The following AUH variants were observed in gnomAD, a reference collection of about 807,000 sequenced individuals.
AUH encodes AU RNA binding methylglutaconyl-CoA hydratase, also known as methylglutaconyl-CoA hydratase, mitochondrial.
A neutral mutation model predicts 42.3 loss-of-function variants in AUH; 29 were observed. The ratio of observed to expected loss-of-function variants is 0.69; its 90% CI spans 0.51 to 0.93. The LOEUF (loss-of-function observed/expected upper bound fraction) is 0.93. Among genes scored for constraint, AUH ranks in the 40% least tolerant of loss-of-function variants. The probability of loss-of-function intolerance (pLI) is 0.00; values close to 1 mark genes in which losing one functional copy is unlikely to be tolerated. For synonymous variants in AUH, 174 were observed against 166.4 expected, an observed-to-expected ratio of 1.05 and a Z score of -0.35; for missense variants, 452 against 438.1, an observed-to-expected ratio of 1.03 and a Z score of -0.28.
intron 6 of AUH, among the ~76,000 whole-genome samples, chr9:91,287,987 G>T (rs1402626360): frequency 2.0e-5 from 3 of 151,834 alleles, no homozygotes; most frequent in African/African-American, 7.3e-5. Context: ...TCTTTGTAAA[G>T]GGTATAAAAA....
chr9:91,350,636 G>A (rs939432973), intron 3 of AUH, among the ~76,000 whole-genome samples: 2 of 152,030 alleles, frequency 1.3e-5, no homozygotes, highest in Non-Finnish European at 2.9e-5. Flanking sequence ...GCAGGTGCCT[G>A]TAATCCCAGC....
intron 6 of AUH, among the ~76,000 whole-genome samples, chr9:91,269,392 T>G (rs1315752951): frequency 1.3e-5 from 2 of 152,218 alleles, no homozygotes; most frequent in African/African-American, 4.8e-5. Flanking sequence ...AGTGAAAATA[T>G]GATAGAGACA....
chr9:91,228,304 T>G (rs1431599014), intron 6 of AUH, among the ~76,000 whole-genome samples: 1 of 152,216 alleles, frequency 6.6e-6, no homozygotes, highest in African/African-American at 2.4e-5. Flanking sequence ...GTCAAGGAAT[T>G]TATCCATTTC....
chr9:91,287,173 C>T (rs1032662172), intron 6 of AUH, among the ~76,000 whole-genome samples: 22 of 152,064 alleles, frequency 1.4e-4, no homozygotes, highest in Admixed American at 1.3e-4. Flanking sequence ...GGACATCATG[C>T]AACCCCAATA....
At chr9:91,345,009 GA>G (rs140331417) in intron 3 of AUH, among the ~76,000 whole-genome samples, 33,308 of 143,612 alleles carry the variant, frequency 0.23, 3,817 homozygotes, top group East Asian at 0.35. Flanking sequence ...ACATGTTCAT[GA>G]AAAAAAAAAA....
At chr9:91,317,300 T>A (rs1198972711) in intron 4 of AUH, among the ~76,000 whole-genome samples, 2 of 152,210 alleles carry the variant, frequency 1.3e-5, no homozygotes, top group African/African-American at 4.8e-5. Context: ...TTTGTGAGAA[T>A]CATCTTTTTA....
chr9:91,345,931 G>A lies in AUH; in HGVS notation c.418+9952C>T, dbSNP rs115265821. Among the ~76,000 whole-genome samples the A allele has an allele frequency of 3.0e-3, 463 of 152,012 alleles. 5 individuals carry two copies. Among genetic ancestry groups the A allele is most frequent in the African/African-American group, 0.011 (442 of 41,466 alleles). On this transcript the variant is annotated intron_variant, in intron 3 of 9. Coordinates refer to ENST00000375731, the MANE Select transcript of AUH (RefSeq NM_001698.3). ...CAGGTCCCAAAATAATGTAATGGGG[G>A]AAAAGTTGGTCTGACAAATGGTGCT...
At chr9:91,297,959 T>C (rs369098020) in intron 5 of AUH, 25 bp downstream of exon 5, 3 of 1,533,080 alleles carry the variant, frequency 2.0e-6, no homozygotes, top group African/African-American at 1.4e-5. Context: ...TTTTAAATTA[T>C]GTTTTTAACA....
chr9:91,278,015 G>A (rs1028401060), intron 6 of AUH, among the ~76,000 whole-genome samples: 1 of 152,182 alleles, frequency 6.6e-6, no homozygotes, highest in Non-Finnish European at 1.5e-5. Context: ...CCCACTGGAG[G>A]AGGCATCGTA....
chr9:91,237,851 G>A (rs557062576), intron 6 of AUH, among the ~76,000 whole-genome samples: 2 of 152,082 alleles, frequency 1.3e-5, no homozygotes, highest in Admixed American at 6.6e-5. Context: ...TAAATGTAAC[G>A]CTTTTGCTCA....
chr9:91,309,665 A>C (rs1828546201), intron 4 of AUH, among the ~76,000 whole-genome samples: 1 of 152,162 alleles, frequency 6.6e-6, no homozygotes, highest in South Asian at 2.1e-4. Flanking sequence ...TCCACAGGGG[A>C]GGACAGTGGT....
At chr9:91,260,499 T>C (rs1294163496) in intron 6 of AUH, among the ~76,000 whole-genome samples, 6 of 152,178 alleles carry the variant, frequency 3.9e-5, no homozygotes, top group South Asian at 2.1e-4. Flanking sequence ...TTTTTAGTGG[T>C]TGATCAACAG....
At chr9:91,332,154 G>A (rs181812144) in intron 3 of AUH, among the ~76,000 whole-genome samples, 1 of 152,260 alleles carries the variant, frequency 6.6e-6, no homozygotes, top group East Asian at 1.9e-4. Context: ...GAATCCAGTG[G>A]AACCTACACT....
At chr9:91,255,323 T>C in intron 6 of AUH, among the ~76,000 whole-genome samples, 1 of 152,206 alleles carries the variant, frequency 6.6e-6, no homozygotes, top group East Asian at 1.9e-4. Flanking sequence ...GTTAAGATTT[T>C]TAAAAATTGT....
At chr9:91,332,625 G>C (rs1276991475) in intron 3 of AUH, among the ~76,000 whole-genome samples, 1 of 152,152 alleles carries the variant, frequency 6.6e-6, no homozygotes. Context: ...GTGCCATACT[G>C]ACAGGCTGGG....
intron 4 of AUH, among the ~76,000 whole-genome samples, chr9:91,317,106 C>T (rs746730206): frequency 1.2e-4 from 18 of 152,114 alleles, no homozygotes; most frequent in Non-Finnish European, 2.1e-4. Context: ...CTTATCTATC[C>T]GAAAGCGAAT....
chr9:91,349,679 GACACACACAC>G (rs35888854), intron 3 of AUH, among the ~76,000 whole-genome samples: 3 of 149,070 alleles, frequency 2.0e-5, no homozygotes, highest in East Asian at 2.0e-4. Flanking sequence ...CAGAGAGACA[GACACACACAC>G]ACACACACAC....
At chr9:91,263,579 ATT>A (rs747417677) in intron 6 of AUH, among the ~76,000 whole-genome samples, 17 of 152,328 alleles carry the variant, frequency 1.1e-4, no homozygotes, top group Admixed American at 1.0e-3. Flanking sequence ...ATTAGGAAAT[ATT>A]TTAAGTGTTT....
At chr9:91,297,149 G>C (rs1234836112) in intron 5 of AUH, among the ~76,000 whole-genome samples, 1 of 152,218 alleles carries the variant, frequency 6.6e-6, no homozygotes, top group Non-Finnish European at 1.5e-5. Flanking sequence ...TAACAGGTGT[G>C]TGGGCTGTGG....
Sources: allele counts gnomAD v4.1 joint callset (sites outside exome capture counted in the v4.1 genomes callset), GRCh38; gene constraint gnomAD v4.1.1; transcripts MANE v1.5; gene names NCBI Gene and HGNC (gene_info 2026-07-23, HGNC 2026-07-21).